The following NPIPB6 variants were observed in gnomAD, a reference collection of about 807,000 sequenced individuals.
The protein encoded by NPIPB6 is nuclear pore complex interacting protein family member B6.
In NPIPB6, 2 loss-of-function variants were observed where a neutral mutation model predicts 20.0. The ratio of observed to expected loss-of-function variants is 0.10; its 90% CI spans 0.04 to 0.31. The LOEUF (loss-of-function observed/expected upper bound fraction) is 0.31, where lower values mean the gene tolerates loss of function less well. Among genes scored for constraint, NPIPB6 ranks in the 10% least tolerant of loss-of-function variants. NPIPB6 has a pLI of 1.00. For missense variants in NPIPB6, 96 were observed against 293.7 expected, an observed-to-expected ratio of 0.33 and a Z score of 4.92; for synonymous variants, 35 against 116.3, an observed-to-expected ratio of 0.30 and a Z score of 4.50.
At chr16:28,357,920 ACTGC>A (rs1368357692) in intron 1 of NPIPB6, among the ~76,000 whole-genome samples, 1 of 86,664 alleles carries the variant, frequency 1.2e-5, no homozygotes, top group African/African-American at 4.9e-5. Context: ...TAATCATCTT[ACTGC>A]CTGTGTGTGT....
chr16:28,342,739 C>A (rs1183502400), exon 7 of NPIPB6: 2 of 1,563,606 alleles, frequency 1.3e-6, no homozygotes, highest in African/African-American at 1.4e-5. Flanking sequence ...GCGATTGTTC[C>A]ACCTCATCCA....
intron 1 of NPIPB6, among the ~76,000 whole-genome samples, chr16:28,359,145 G>A (rs1356649401): frequency 7.2e-6 from 1 of 139,194 alleles, no homozygotes; most frequent in Non-Finnish European, 1.5e-5. Context: ...TAAAAGGAGA[G>A]ACCAAGTAAG....
At chr16:28,359,040 C>G (rs1235453803) in intron 1 of NPIPB6, among the ~76,000 whole-genome samples, 4 of 117,804 alleles carry the variant, frequency 3.4e-5, no homozygotes, top group African/African-American at 1.4e-4. Context: ...CGAGATCGTA[C>G]CATTGCACTC....
At chr16:28,362,020 A>ATGAAATACATAATAAGAAATATAT (rs1169911266) in intron 1 of NPIPB6, among the ~76,000 whole-genome samples, 1 of 145,530 alleles carries the variant, frequency 6.9e-6, no homozygotes, top group East Asian at 2.1e-4. Context: ...TGTACTATAG[A>ATGAAATACATAATAAGAAATATAT]ATGTATTTCT....
chr16:28,346,315 G>C, intron 4 of NPIPB6: 1 of 810,530 alleles, frequency 1.2e-6, no homozygotes, highest in Non-Finnish European at 1.5e-6. Flanking sequence ...CTCTTCCTGT[G>C]TGAGACCTGA....
exon 7 of NPIPB6, chr16:28,342,861 G>C (rs772531330): frequency 3.9e-5 from 62 of 1,582,374 alleles, no homozygotes; most frequent in Non-Finnish European, 5.1e-5. Context: ...GGAGTCTTGA[G>C]ATTATCATCC....
chr16:28,349,594 CAA>C (rs1414512147), intron 2 of NPIPB6, among the ~76,000 whole-genome samples: 16 of 78,762 alleles, frequency 2.0e-4, no homozygotes, highest in East Asian at 3.4e-4. Flanking sequence ...CACACACACA[CAA>C]GAATGACATG....
chr16:28,342,931 A>G (rs1238398981), exon 7 of NPIPB6: 1 of 1,599,416 alleles, frequency 6.3e-7, no homozygotes. Flanking sequence ...TCAGATTATC[A>G]TCCACTGAGG....
exon 7 of NPIPB6, chr16:28,342,740 A>C (rs984318860): frequency 1.3e-6 from 2 of 1,564,442 alleles, no homozygotes; most frequent in African/African-American, 2.7e-5. Context: ...CGATTGTTCC[A>C]CCTCATCCAC....
In NPIPB6 at chr16:28,350,185, G is replaced by A. The variant is rs1596572552; in HGVS notation, c.304-944C>T. 3.1e-5 allele frequency among the ~76,000 whole-genome samples: 3 copies of A among 97,106 alleles called. No individual in the cohort carries two copies. The East Asian group carries it at 9.2e-4, about 30-fold the overall frequency. The allele number at this position is 97,106 out of a possible 152,430, so 63.7% of individuals were successfully genotyped here. ...GCACTCCAGCCTGGTGACAGAGTGA[G>A]ACTCCGTCTCAAAAAAAAAAAAAAA... On this transcript the variant is annotated intron_variant, in intron 2 of 6. Coordinates refer to ENST00000532254, the Ensembl canonical transcript of NPIPB6.
chr16:28,351,888 A>G (rs1181204755), intron 2 of NPIPB6, among the ~76,000 whole-genome samples: 39 of 11,216 alleles, frequency 3.5e-3, no homozygotes, highest in African/African-American at 6.1e-3. Context: ...TAGTACTTTT[A>G]TCTTGGATCA....
chr16:28,360,681 C>A (rs1390590748), intron 1 of NPIPB6, among the ~76,000 whole-genome samples: 2 of 138,768 alleles, frequency 1.4e-5, no homozygotes, highest in Non-Finnish European at 3.3e-5. Flanking sequence ...AGTGGATGTA[C>A]CCATGGGATT....
At chr16:28,342,553 T>G, downstream of NPIPB6, 2 of 1,095,176 alleles carry the variant, frequency 1.8e-6, no homozygotes, top group South Asian at 1.4e-5. Flanking sequence ...TTCGTTAGTT[T>G]GTTTTTGGAG....
Position 28,362,102 on chromosome 16 carries a change from A to AT in NPIPB6, c.120+600dup, listed in dbSNP as rs765651989. Among the ~76,000 whole-genome samples, 324 of 131,486 alleles carry AT rather than the reference A, an allele frequency of 2.5e-3. 1 individual carries two copies. Among genetic ancestry groups the AT allele is most frequent in the Admixed American group, 6.9e-3 (91 of 13,194 alleles). The allele number at this position is 131,486 out of a possible 152,430, so 86.3% of individuals were successfully genotyped here. A position where few individuals can be genotyped will look rare whatever the true frequency, so the allele number is the denominator to read the frequency against. On this transcript the variant is annotated intron_variant, in intron 1 of 6. Coordinates refer to ENST00000532254, the Ensembl canonical transcript of NPIPB6. ...TTTCCTTTTCAAATTTTGCAGGATA[A>AT]TTTTTTTTTTTTTTTGACAGAGTCT...
rs568099035 is a variant in NPIPB6 at position 28,360,140 on chromosome 16, C to T, written c.120+2563G>A. ...AAATGCACAGAATACATGCACGACA[C>T]GGGGGCACTGTCAGTGTGGGAGCAA... On this transcript the variant is annotated intron_variant, in intron 1 of 6. Coordinates refer to ENST00000532254, the Ensembl canonical transcript of NPIPB6. 3.6e-4 allele frequency among the ~76,000 whole-genome samples: 46 copies of T among 126,948 alleles called. 2 individuals carry two copies. The highest frequency in any genetic ancestry group is 1.3e-3 in the East Asian group (6 of 4,648). The allele number at this position is 126,948 out of a possible 152,430, so 83.3% of individuals were successfully genotyped here.
chr16:28,360,190 C>G (rs530487735), intron 1 of NPIPB6, among the ~76,000 whole-genome samples: 2,267 of 126,456 alleles, frequency 0.018, 245 homozygotes, highest in African/African-American at 0.06. Context: ...CAGCCCTAAT[C>G]TGAGCACTCT....
chr16:28,347,913 C>A (rs1435050405), intron 4 of NPIPB6, among the ~76,000 whole-genome samples: 1 of 110,990 alleles, frequency 9.0e-6, no homozygotes, highest in Non-Finnish European at 2.1e-5. Context: ...AGTTCTAGAC[C>A]AGCTTGGCCA....
intron 2 of NPIPB6, among the ~76,000 whole-genome samples, chr16:28,349,592 CACAA>C (rs1227238766): frequency 1.2e-4 from 11 of 93,014 alleles, no homozygotes; most frequent in Admixed American, 1.0e-3. Flanking sequence ...CACACACACA[CACAA>C]GAATGACATG....
exon 1 of NPIPB6, chr16:28,362,823 T>C (rs1193733690): frequency 6.4e-7 from 1 of 1,565,072 alleles, no homozygotes; most frequent in African/African-American, 1.4e-5. Context: ...GCTTCACCAT[T>C]TGCAGAATGA....
Sources: allele counts gnomAD v4.1 joint callset (sites outside exome capture counted in the v4.1 genomes callset), GRCh38; gene constraint gnomAD v4.1.1; transcripts MANE v1.5; gene names NCBI Gene and HGNC (gene_info 2026-07-23, HGNC 2026-07-21).